Variants in USH2A observed in about 807,000 individuals in gnomAD.
USH2A encodes usherin.
USH2A carries 443 observed loss-of-function variants against 538.9 expected under a neutral mutation model. The ratio of observed to expected loss-of-function variants is 0.82; its 90% CI spans 0.76 to 0.89. The LOEUF (loss-of-function observed/expected upper bound fraction) is 0.89. Ranked by LOEUF, USH2A falls within the 40% of genes least tolerant of loss-of-function variation. The pLI is 0.00. For synonymous variants in USH2A, 2,413 were observed against 2,273.5 expected (o/e 1.06, Z -1.75); for missense variants, 6,633 against 6,324.8 (o/e 1.05, Z -1.65).
intron 8 of USH2A, 54 bp downstream of exon 8, chr1:216,323,420 T>G: frequency 6.4e-7 from 1 of 1,562,110 alleles, no homozygotes; most frequent in Non-Finnish European, 8.8e-7. Context: ...TAATGTGCTG[T>G]TAAGACAGTA....
At chr1:216,128,528 C>A (rs539167428) in intron 21 of USH2A, among the ~76,000 whole-genome samples, 2 of 152,080 alleles carry the variant, frequency 1.3e-5, no homozygotes, top group African/African-American at 4.8e-5. Flanking sequence ...AATGGAAAAT[C>A]TCTTCCTATC....
chr1:215,631,917 C>T (rs894942662), intron 70 of USH2A, among the ~76,000 whole-genome samples: 3 of 152,236 alleles, frequency 2.0e-5, no homozygotes, highest in African/African-American at 7.2e-5. Flanking sequence ...GGTGTCAGGA[C>T]AGCAAGGTCT....
intron 20 of USH2A, among the ~76,000 whole-genome samples, chr1:216,177,070 G>T (rs1184303727): frequency 6.6e-6 from 1 of 152,130 alleles, no homozygotes; most frequent in Non-Finnish European, 1.5e-5. Flanking sequence ...ACTCCGTTGA[G>T]TAAATACCAA....
At chr1:216,376,369 A>G (rs775152768) in intron 3 of USH2A, among the ~76,000 whole-genome samples, 5 of 152,290 alleles carry the variant, frequency 3.3e-5, no homozygotes, top group East Asian at 3.9e-4. Flanking sequence ...TTAGCAAAGT[A>G]TGAGAATATA....
At position 216,418,684 on chromosome 1, in the gene USH2A, G is replaced by A; in HGVS notation, c.486-5C>T. 1 of 1,612,690 alleles carries A rather than the reference G, an allele frequency of 6.2e-7. No homozygotes were observed. The highest frequency in any genetic ancestry group is 8.5e-7 in the Non-Finnish European group (1 of 1,179,238). On this transcript the variant is annotated splice_region_variant and splice_polypyrimidine_tract_variant and intron_variant, in intron 2 of 71. Transcript: ENST00000307340. ...ACTGTCTTTTCTATAACACACCTTA[G>A]GAAGCAACCGGAAAAGAGAGAAAAG...
At chr1:215,776,156 G>T (rs1269752707) in intron 55 of USH2A, among the ~76,000 whole-genome samples, 2 of 152,114 alleles carry the variant, frequency 1.3e-5, no homozygotes. Context: ...TTCTGTACAG[G>T]ATGGTGGATG....
intron 37 of USH2A, among the ~76,000 whole-genome samples, chr1:215,949,638 T>A (rs914911642): frequency 2.2e-4 from 34 of 152,056 alleles, no homozygotes; most frequent in African/African-American, 8.2e-4. Context: ...GTATACAAAT[T>A]TAAGTCTGAT....
At chr1:216,375,835 G>A (rs1459532233) in intron 3 of USH2A, among the ~76,000 whole-genome samples, 3 of 152,066 alleles carry the variant, frequency 2.0e-5, no homozygotes, top group South Asian at 2.1e-4. Context: ...TGAACACTGA[G>A]AGGCCACTGT....
chr1:215,911,799 T>A lies in USH2A; in HGVS notation c.7301-10894A>T, dbSNP rs866527088. Among the ~76,000 whole-genome samples, 4 of 152,222 alleles carry A rather than the reference T, an allele frequency of 2.6e-5. No individual in the cohort carries two copies. In the South Asian group the frequency reaches 8.3e-4, roughly 32 times the overall value. On this transcript the variant is annotated intron_variant, in intron 38 of 71. Transcript: ENST00000307340. ...GAAACCTCCAAATGGTTCTCCATAG[T>A]GGTTGTACTAATTTACATTCCTACC...
intron 30 of USH2A, among the ~76,000 whole-genome samples, chr1:216,060,341 C>A (rs980809138): frequency 2.0e-5 from 3 of 152,062 alleles, no homozygotes; most frequent in African/African-American, 7.2e-5. Context: ...ATTACAGTAG[C>A]CATGTAAAAG....
intron 36 of USH2A, among the ~76,000 whole-genome samples, chr1:215,969,212 G>C (rs1667431383): frequency 6.6e-6 from 1 of 152,054 alleles, no homozygotes; most frequent in Non-Finnish European, 1.5e-5. Flanking sequence ...TGCATACTGA[G>C]TACAGCATAA....
At position 215,728,466 on chromosome 1, in the gene USH2A, T is replaced by A. The variant is rs113684185; in HGVS notation, c.11712-82A>T. On this transcript the variant is annotated intron_variant, in intron 60 of 71. Coordinates refer to ENST00000307340, the MANE Select transcript of USH2A (RefSeq NM_206933.4). ...GTAGATGGAGTAAAAACATTTTTTTTAGAATTTGTTATCAACTTAACTTTT... is the reference window on the plus strand; with the variant it reads ...GTAGATGGAGTAAAAACATTTTTTTAAGAATTTGTTATCAACTTAACTTTT... 4.5e-6 allele frequency: 6 copies of A among 1,342,336 alleles called. No homozygotes were observed. The African/African-American group carries it at 5.8e-5, about 13-fold the overall frequency. 83.2% of individuals were successfully genotyped at this position (1,342,336 alleles called of 1,614,324 possible).
At chr1:215,663,940 AG>A (rs1224470951) in intron 64 of USH2A, among the ~76,000 whole-genome samples, 4 of 152,130 alleles carry the variant, frequency 2.6e-5, no homozygotes, top group Non-Finnish European at 5.9e-5. Flanking sequence ...GCCTGGTGAA[AG>A]TGTGCAGAAT....
chr1:216,318,808 TC>T (rs1287560076), intron 9 of USH2A, among the ~76,000 whole-genome samples: 1 of 152,318 alleles, frequency 6.6e-6, no homozygotes, highest in Non-Finnish European at 1.5e-5. Flanking sequence ...AATCCAACAT[TC>T]ACCACCTGAG....
At chr1:216,276,433 G>A (rs368194248) in intron 11 of USH2A, among the ~76,000 whole-genome samples, 6 of 152,216 alleles carry the variant, frequency 3.9e-5, no homozygotes, top group Admixed American at 2.6e-4. Context: ...CTGAGACAAC[G>A]TCCAGTCCAG....
chr1:215,991,803 G>A (rs540480807), intron 35 of USH2A, among the ~76,000 whole-genome samples: 1 of 152,146 alleles, frequency 6.6e-6, no homozygotes, highest in Non-Finnish European at 1.5e-5. Flanking sequence ...GCTCTACTAT[G>A]CAAATCATGT....
chr1:216,045,388 C>T (rs1023792286), intron 32 of USH2A, among the ~76,000 whole-genome samples: 34 of 152,138 alleles, frequency 2.2e-4, no homozygotes, highest in African/African-American at 8.2e-4. Flanking sequence ...ATTTCAGTAT[C>T]ATCACACTTT....
chr1:216,126,528 C>T (rs2033257792), intron 21 of USH2A, among the ~76,000 whole-genome samples: 1 of 152,198 alleles, frequency 6.6e-6, no homozygotes, highest in African/African-American at 2.4e-5. Flanking sequence ...GGGCCGAGTG[C>T]TTGCTTTGTG....
intron 35 of USH2A, among the ~76,000 whole-genome samples, chr1:215,983,352 A>T (rs1211813343): frequency 1.3e-5 from 2 of 152,226 alleles, no homozygotes; most frequent in Non-Finnish European, 2.9e-5. Context: ...GATAACAAAG[A>T]AATATTTTAT....
Sources: allele counts gnomAD v4.1 joint callset (sites outside exome capture counted in the v4.1 genomes callset), GRCh38; gene constraint gnomAD v4.1.1; transcripts MANE v1.5; gene names NCBI Gene and HGNC (gene_info 2026-07-23, HGNC 2026-07-21).